The following FAM47A variants were observed in gnomAD, a reference collection of about 807,000 sequenced individuals.
FAM47A encodes the protein family with sequence similarity 47 member A, also known as protein FAM47A.
Under a neutral mutation model 2.6 loss-of-function variants are expected in FAM47A, and 1 was observed. That is an observed-to-expected ratio of 0.39 (90% CI 0.14 to 1.83). The LOEUF is 1.83. Ranked by LOEUF, FAM47A falls within the 40% of genes most tolerant of loss-of-function variation. FAM47A has a pLI of 0.32. For synonymous variants in FAM47A, 278 were observed against 270.1 expected, an observed-to-expected ratio of 1.03 and a Z score of -0.29; for missense variants, 657 against 673.1, an observed-to-expected ratio of 0.98 and a Z score of 0.26.
rs183173740 is a variant in FAM47A, at chrX:34,131,944, A to C, written c.335T>G (p.Leu112Arg). ...ALFSKLSPAQ[L>R]ARKAFVEQVE... ...TTGCTCTACGAACGCCTTCCGTGCT[A>C]GCTGGGCTGGAGAGAGCTTGGAAAA... The change falls in exon 1 of 1, where the codon CTA (leucine) becomes CGA (arginine). Residue 112 changes from leucine (L) to arginine (R), a missense_variant. Physicochemically the swap from Leu to Arg is moderately radical, Grantham distance 102. Transcript: ENST00000346193. 1 of 1,209,233 alleles carries C rather than the reference A, an allele frequency of 8.3e-7. No homozygotes were observed. The highest frequency in any genetic ancestry group is 3.0e-5 in the East Asian group (1 of 33,693).
In FAM47A at chrX:34,130,405, A is replaced by G; in HGVS notation, c.1874T>C (p.Ile625Thr). ...AGDLGADEES[I>T]RNLFDFTPKY... ...GGGGGTAAAGTCAAACAGATTCCTG[A>G]TGGATTCTTCATCAGCTCCCAGGTC... Residue 625 changes from isoleucine (I) to threonine (T), a missense_variant, in exon 1 of 1, where the codon ATC becomes ACC. Coordinates refer to ENST00000346193, the MANE Select transcript of FAM47A (RefSeq NM_203408.4). The G allele has an allele frequency of 8.3e-7, 1 of 1,211,708 alleles. No homozygotes were observed. The highest frequency in any genetic ancestry group is 1.1e-6 in the Non-Finnish European group (1 of 895,490).
chrX:34,130,472 A>G lies in FAM47A; in HGVS notation c.1807T>C (p.Tyr603His). 8.3e-7 allele frequency: 1 copy of G among 1,211,185 alleles called. No homozygotes were observed. Among genetic ancestry groups the G allele is most frequent in the Non-Finnish European group, 1.1e-6 (1 of 895,383 alleles). Residue 603 changes from tyrosine (Y) to histidine (H), a missense_variant, in exon 1 of 1, where the codon TAC becomes CAC. Tyr to His is a moderately conservative substitution (Grantham distance 83). Coordinates refer to ENST00000346193, the MANE Select transcript of FAM47A (RefSeq NM_203408.4). Reference protein sequence around the residue: ...ECVSDSLQYRYTSEKLREFFK... With the variant: ...ECVSDSLQYRHTSEKLREFFK... Reference sequence around the variant, plus strand: ...AATTCACGGAGTTTTTCCGATGTGTATCTATATTGAAGAGAGTCAGAAACG... The same window carrying G: ...AATTCACGGAGTTTTTCCGATGTGTGTCTATATTGAAGAGAGTCAGAAACG...
In FAM47A at chrX:34,131,992, T is replaced by G. The variant is rs1922498838; in HGVS notation, c.287A>C (p.Lys96Thr). The change falls in exon 1 of 1, where the codon AAG (lysine) becomes ACG (threonine). Residue 96 changes from lysine (K) to threonine (T), a missense_variant. Coordinates refer to ENST00000346193, the MANE Select transcript of FAM47A (RefSeq NM_203408.4). Reference protein sequence around the residue: ...PQADPKSGQKKLLKKAALFSK... With the variant: ...PQADPKSGQKTLLKKAALFSK... ...AAATAGGGCCGCTTTCTTGAGCAGC[T>G]TTTTCTGCCCGCTTTTGGGGTCAGC... 1 of 1,209,559 alleles carries G rather than the reference T, an allele frequency of 8.3e-7. No individual in the cohort carries two copies. The highest frequency in any genetic ancestry group is 1.1e-6 in the Non-Finnish European group (1 of 895,073).
At position 34,130,965 on chromosome X, in the gene FAM47A, C is replaced by G; in HGVS notation, c.1314G>C (p.Leu438=). The G allele has an allele frequency of 8.3e-7, 1 of 1,203,319 alleles. No homozygotes were observed. ...CCTCACAACGATCCCATACGTCCTT[C>G]AGCGTCCTCCCAGAATCCAGCACTT... ...ILKVLDSGRT[L]KDVWDRCEAR... is the part of the protein sequence containing the mutation. The change falls in exon 1 of 1, where the codon CTG becomes CTC. Residue 438 remains leucine, a synonymous_variant. Transcript: ENST00000346193.
chrX:34,131,577 A>G lies in FAM47A; in HGVS notation c.702T>C (p.His234=). 1 of 1,203,949 alleles carries G rather than the reference A, an allele frequency of 8.3e-7. No homozygotes were observed. Among genetic ancestry groups the G allele is most frequent in the African/African-American group, 1.8e-5 (1 of 56,123 alleles). The change falls in exon 1 of 1, where the codon CAT becomes CAC. Residue 234 remains histidine (H), a synonymous_variant. Transcript: ENST00000346193. ...CAGTCTCTGGAGGCTCCGGGCGGAG[A>G]TGGGACACTCCAGTCTCAGGAGGCT... The part of the protein sequence containing the change: ...RPEPPETGVS[H]LRPEPPETGV...
chrX:34,130,210 C>T lies in FAM47A; in HGVS notation c.2069G>A (p.Arg690His), dbSNP rs1184146388. 9.9e-6 allele frequency: 12 copies of T among 1,210,444 alleles called. No individual in the cohort carries two copies. Among genetic ancestry groups the T allele is most frequent in the Admixed American group, 2.2e-5 (1 of 45,793 alleles). Residue 690 changes from arginine (R) to histidine (H), a missense_variant, in exon 1 of 1, where the codon CGT becomes CAT. Physicochemically the swap from Arg to His is conservative, Grantham distance 29. Transcript: ENST00000346193. ...HTPSNSYTAQ[R>H]VKMKYGAWYL... Reference sequence around the variant, plus strand: ...CCATGCTCCATACTTCATCTTCACACGCTGTGCGGTATAAGAATTCGATGG... The same window carrying T: ...CCATGCTCCATACTTCATCTTCACATGCTGTGCGGTATAAGAATTCGATGG...
In FAM47A at chrX:34,130,552, C is replaced by T. The variant is rs764031941; in HGVS notation, c.1727G>A (p.Arg576Gln). The change falls in exon 1 of 1, where the codon CGA (arginine) becomes CAA (glutamine). Residue 576 changes from arginine to glutamine, a missense_variant. By Grantham distance (43) the Arg-to-Gln change is conservative. Around this residue, in one of 3 missense-constraint regions of FAM47A, gnomAD observed 198 missense variants for 203.4 expected, o/e 0.97. Coordinates refer to ENST00000346193, the MANE Select transcript of FAM47A (RefSeq NM_203408.4). ...AAGCAGTTCTTTTATGTAGGATGCT[C>T]GAATCTTGGGAGGCTCCGAGAATTG... ...SHQFSEPPKI[R>Q]ASYIKELLQE... 4 of 1,211,422 alleles carry T rather than the reference C, an allele frequency of 3.3e-6. No individual in the cohort carries two copies. In the Admixed American group the frequency reaches 6.5e-5, roughly 20 times the overall value.
At position 34,132,112 on chromosome X, in the gene FAM47A, T is replaced by C. The variant is rs779082931; in HGVS notation, c.167A>G (p.Asp56Gly). 3 of 1,210,717 alleles carry C rather than the reference T, an allele frequency of 2.5e-6. No homozygotes were observed. Among genetic ancestry groups the C allele is most frequent in the Non-Finnish European group, 2.2e-6 (2 of 895,173 alleles). Residue 56 changes from aspartate to glycine, a missense_variant, in exon 1 of 1, where the codon GAC becomes GGC. Physicochemically the swap from Asp to Gly is moderately conservative, Grantham distance 94 (BLOSUM62 -1). Coordinates refer to ENST00000346193, the MANE Select transcript of FAM47A (RefSeq NM_203408.4). Reference sequence around the variant, plus strand: ...AGACGGACAGCCGTAGCGGAAGTCGTCCATGCCCTCCTTCACAAATACCCA... The same window carrying C: ...AGACGGACAGCCGTAGCGGAAGTCGCCCATGCCCTCCTTCACAAATACCCA... ...QNWVFVKEGM[D>G]DFRYGCPSPE... is the part of the protein sequence containing the mutation.
At position 34,129,869 on chromosome X, in the gene FAM47A, G is replaced by A; in HGVS notation, c.*34C>T. On this transcript the variant is annotated 3_prime_UTR_variant, in exon 1 of 1. Coordinates refer to ENST00000346193, the MANE Select transcript of FAM47A (RefSeq NM_203408.4). Reference sequence around the variant, plus strand: ...TGATTGATGATTAAAATGAGAGCAAGAAATACCCAATTGAGTAGTAAATTG... The same window carrying A: ...TGATTGATGATTAAAATGAGAGCAAAAAATACCCAATTGAGTAGTAAATTG... The A allele has an allele frequency of 8.9e-7, 1 of 1,119,533 alleles. No homozygotes were observed. Among genetic ancestry groups the A allele is most frequent in the Non-Finnish European group, 1.2e-6 (1 of 841,758 alleles). 92.3% of individuals were successfully genotyped at this position (1,119,533 alleles called of 1,213,427 possible).
In FAM47A at chrX:34,130,477, T is replaced by C; in HGVS notation, c.1802A>G (p.Tyr601Cys). ...ACGGAGTTTTTCCGATGTGTATCTA[T>C]ATTGAAGAGAGTCAGAAACGCACTC... ...TKECVSDSLQYRYTSEKLREF... is the reference protein window; with the variant it reads ...TKECVSDSLQCRYTSEKLREF... Residue 601 changes from tyrosine to cysteine, a missense_variant, in exon 1 of 1, where the codon TAT becomes TGT. Coordinates refer to ENST00000346193, the MANE Select transcript of FAM47A (RefSeq NM_203408.4). 8.3e-7 allele frequency: 1 copy of C among 1,211,540 alleles called. No homozygotes were observed. Among genetic ancestry groups the C allele is most frequent in the Non-Finnish European group, 1.1e-6 (1 of 895,472 alleles).
In FAM47A at chrX:34,131,917, A is replaced by G. The variant is rs758658931; in HGVS notation, c.362T>C (p.Val121Ala). The change falls in exon 1 of 1, where the codon GTG becomes GCG. Residue 121 changes from valine to alanine, a missense_variant. Val to Ala is a moderately conservative substitution (Grantham distance 64). Transcript: ENST00000346193. ...QLARKAFVEQ[V>A]EAQLMAKHPL... ...ATGCTTGGCCATTAGCTGGGCTTCCACTTGCTCTACGAACGCCTTCCGTGC... is the reference window on the plus strand; with the variant it reads ...ATGCTTGGCCATTAGCTGGGCTTCCGCTTGCTCTACGAACGCCTTCCGTGC... 60 of 1,207,723 alleles carry G rather than the reference A, an allele frequency of 5.0e-5. 1 individual carries two copies. In the South Asian group the frequency reaches 1.1e-3, roughly 21 times the overall value.
chrX:34,131,885 C>T lies in FAM47A; in HGVS notation c.394G>A (p.Ala132Thr). The T allele has an allele frequency of 8.3e-7, 1 of 1,209,166 alleles. No homozygotes were observed. The change falls in exon 1 of 1, where the codon GCC (alanine) becomes ACC (threonine). Residue 132 changes from alanine (A) to threonine (T), a missense_variant. Around this residue, in one of 3 missense-constraint regions of FAM47A, gnomAD observed 436 missense variants for 414.1 expected, o/e 1.05. Transcript: ENST00000346193. ...EAQLMAKHPLAMYPNLGEDMP... is the reference protein window; with the variant it reads ...EAQLMAKHPLTMYPNLGEDMP... ...TCTTCTCCCAGATTGGGGTACATGG[C>T]CAAGGGATGCTTGGCCATTAGCTGG...
rs760405036 is a variant in FAM47A, at chrX:34,131,277, C to A, written c.1002G>T (p.Glu334Asp). Residue 334 changes from glutamate (E) to aspartate (D), a missense_variant, in exon 1 of 1, where the codon GAG (glutamate) becomes GAT (aspartate). Glu to Asp is a conservative substitution (Grantham distance 45). Around this residue, in one of 3 missense-constraint regions of FAM47A, gnomAD observed 436 missense variants for 414.1 expected, o/e 1.05. Coordinates refer to ENST00000346193, the MANE Select transcript of FAM47A (RefSeq NM_203408.4). ...SLRPEPPETGESHLRLEHSKT... is the reference protein window; with the variant it reads ...SLRPEPPETGDSHLRLEHSKT... The stretch of plus-strand genomic sequence containing the variant: ...TGGAATGCTCTAGGCGGAGATGGGA[C>A]TCTCCAGTCTCCGGAGGCTCCGGGC... 1.7e-6 allele frequency: 2 copies of A among 1,210,983 alleles called. No individual in the cohort carries two copies. Among genetic ancestry groups the A allele is most frequent in the East Asian group, 3.0e-5 (1 of 33,724 alleles).
In FAM47A at chrX:34,130,911, G is replaced by T. The variant is rs1197041466; in HGVS notation, c.1368C>A (p.Thr456=). The T allele has an allele frequency of 1.8e-5, 22 of 1,205,668 alleles. No homozygotes were observed. Among genetic ancestry groups the T allele is most frequent in the Non-Finnish European group, 2.4e-5 (21 of 892,903 alleles). The change falls in exon 1 of 1, where the codon ACC becomes ACA. Residue 456 remains threonine (T), a synonymous_variant. Coordinates refer to ENST00000346193, the MANE Select transcript of FAM47A (RefSeq NM_203408.4). ...EARVKKTKEP[T]EPHKSPCGEP... ...CCCCACAAGGGGATTTATGAGGCTC[G>T]GTGGGTTCCTTAGTTTTCTTCACCC...
chrX:34,131,708 G>A lies in FAM47A; in HGVS notation c.571C>T (p.Pro191Ser), dbSNP rs1922487565. 1 of 1,208,900 alleles carries A rather than the reference G, an allele frequency of 8.3e-7. No homozygotes were observed. Among genetic ancestry groups the A allele is most frequent in the African/African-American group, 1.7e-5 (1 of 57,557 alleles). ...KHPCGEFCLK[P>S]PETPVSHLLP... Reference sequence around the variant, plus strand: ...AGATGGGACACCGGAGTCTCGGGAGGCTTCAGGCAGAATTCCCCACAGGGA... The same window carrying A: ...AGATGGGACACCGGAGTCTCGGGAGACTTCAGGCAGAATTCCCCACAGGGA... The change falls in exon 1 of 1, where the codon CCT becomes TCT. Residue 191 changes from proline (P) to serine (S), a missense_variant. Around this residue, in one of 3 missense-constraint regions of FAM47A, gnomAD observed 436 missense variants for 414.1 expected, o/e 1.05. Coordinates refer to ENST00000346193, the MANE Select transcript of FAM47A (RefSeq NM_203408.4).
In FAM47A at chrX:34,131,716, C is replaced by A; in HGVS notation, c.563G>T (p.Cys188Phe). The stretch of plus-strand genomic sequence containing the variant: ...CACCGGAGTCTCGGGAGGCTTCAGG[C>A]AGAATTCCCCACAGGGATGTTTACC... ...EPGKHPCGEF[C>F]LKPPETPVSH... is the part of the protein sequence containing the mutation. Residue 188 changes from cysteine (C) to phenylalanine (F), a missense_variant, in exon 1 of 1, where the codon TGC becomes TTC. By Grantham distance (205) the Cys-to-Phe change is radical. Coordinates refer to ENST00000346193, the MANE Select transcript of FAM47A (RefSeq NM_203408.4). 1 of 1,208,357 alleles carries A rather than the reference C, an allele frequency of 8.3e-7. No individual in the cohort carries two copies. Among genetic ancestry groups the A allele is most frequent in the Non-Finnish European group, 1.1e-6 (1 of 893,969 alleles).
rs752647537 is a variant in FAM47A, at chrX:34,130,761, C to T, written c.1518G>A (p.Ser506=). The T allele has an allele frequency of 1.2e-5, 14 of 1,178,905 alleles. No homozygotes were observed. The highest frequency in any genetic ancestry group is 1.8e-5 in the African/African-American group (1 of 55,632). The change falls in exon 1 of 1, where the codon TCG becomes TCA. Residue 506 remains serine, a synonymous_variant. Transcript: ENST00000346193. The part of the protein sequence containing the change: ...PKTRRTSSLR[S]EPPKTRRTSS... The stretch of plus-strand genomic sequence containing the variant: ...ACGTCCGACGAGTCTTGGGAGGCTC[C>T]GAGCGGAGACTGGACGTCCGACGAG...
rs1569241709 is a variant in FAM47A, at chrX:34,130,831, G to A, written c.1448C>T (p.Pro483Leu). The stretch of plus-strand genomic sequence containing the variant: ...GAGACTGGACCTCCGACGTGTCTTG[G>A]GATGTTCCGGGTGGGGATGGGACAC... Reference protein sequence around the residue: ...TQVSHPHPEHPKTRRRSSLHS... With the variant: ...TQVSHPHPEHLKTRRRSSLHS... Residue 483 changes from proline to leucine, a missense_variant, in exon 1 of 1, where the codon CCC becomes CTC. Pro to Leu is a moderately conservative substitution (Grantham distance 98). Transcript: ENST00000346193. 5.0e-6 allele frequency: 6 copies of A among 1,192,978 alleles called. No homozygotes were observed. Among genetic ancestry groups the A allele is most frequent in the Non-Finnish European group, 6.8e-6 (6 of 885,214 alleles).
At position 34,130,216 on chromosome X, in the gene FAM47A, GC is replaced by G; in HGVS notation, c.2062del (p.Ala688HisfsTer4). 1 of 1,211,647 alleles carries G rather than the reference GC, an allele frequency of 8.3e-7. No homozygotes were observed. Among genetic ancestry groups the G allele is most frequent in the Non-Finnish European group, 1.1e-6 (1 of 895,487 alleles). ...TCCATACTTCATCTTCACACGCTGTGCGGTATAAGAATTCGATGGCGTGTGG... is the reference window on the plus strand; with the variant it reads ...TCCATACTTCATCTTCACACGCTGTGGGTATAAGAATTCGATGGCGTGTGG... ...KFHTPSNSYTAQRVKMKYGAW... is the reference protein window; with the variant it reads ...KFHTPSNSYTXQRVKMKYGAW... On this transcript the variant is annotated frameshift_variant, in exon 1 of 1. Transcript: ENST00000346193. LOFTEE classifies it low-confidence loss of function (END_TRUNC).
Sources: allele counts gnomAD v4.1 joint callset, GRCh38; gene constraint gnomAD v4.1.1; regional missense constraint gnomAD v4.1.1; transcripts MANE v1.5; gene names NCBI Gene and HGNC (gene_info 2026-07-23, HGNC 2026-07-21).